Variants in GAK observed in about 807,000 individuals in gnomAD.
The protein encoded by GAK is cyclin-G-associated kinase.
In GAK, 79 loss-of-function variants were observed where a neutral mutation model predicts 143.9. That is an observed-to-expected ratio of 0.55 (90% confidence interval 0.46 to 0.66). The LOEUF (loss-of-function observed/expected upper bound fraction) is 0.66. GAK is among the 30% of genes least tolerant of loss of function. The pLI, the probability that GAK is intolerant of heterozygous loss-of-function variation, is 0.00. For missense variants in GAK, 1,693 were observed against 1,779.7 expected (o/e 0.95, Z 0.88); for synonymous variants, 881 against 765.5 (o/e 1.15, Z -2.49).
At chr4:924,904 C>G (rs928644670) in intron 1 of GAK, among the ~76,000 whole-genome samples, 2 of 151,704 alleles carry the variant, frequency 1.3e-5, no homozygotes, top group African/African-American at 4.8e-5. Context: ...TGGAGTTCCC[C>G]CAGGGGCTGC....
At chr4:918,933 T>C (rs13121293) in intron 1 of GAK, among the ~76,000 whole-genome samples, 35 of 62,058 alleles carry the variant, frequency 5.6e-4, no homozygotes, top group East Asian at 6.7e-4. Flanking sequence ...AAGGCCTCAG[T>C]GCCCCATGAC....
At chr4:851,116 A>G (rs1355542099) in intron 25 of GAK, 32 bp from the exon 26 acceptor site, 1 of 1,599,076 alleles carries the variant, frequency 6.3e-7, no homozygotes, top group Admixed American at 1.7e-5. Flanking sequence ...TTTTTGTTTG[A>G]GACAGGGTCT....
intron 6 of GAK, among the ~76,000 whole-genome samples, chr4:897,205 C>T (rs1433090293): frequency 6.6e-6 from 1 of 152,232 alleles, no homozygotes; most frequent in East Asian, 1.9e-4. Context: ...GCTGCAGATT[C>T]ACAGGAGAGC....
chr4:867,513 C>G, intron 20 of GAK, 81 bp from the exon 21 acceptor site: 2 of 891,840 alleles, frequency 2.2e-6, no homozygotes, highest in South Asian at 1.8e-5. Context: ...CCTTCAGGGC[C>G]TCCTCGGCCC....
chr4:896,680 C>T (rs1003820028), intron 6 of GAK, 131 bp from the exon 7 acceptor site: 15 of 725,076 alleles, frequency 2.1e-5, no homozygotes, highest in Admixed American at 8.2e-5. Flanking sequence ...CACTATGCCC[C>T]GGGATGACCT....
rs773267588 is a variant in GAK at position 896,454 on chromosome 4, C to T, written c.741+6G>A. Reference sequence around the variant, plus strand: ...GGCACTGCCACTGAGAGGCGCCAGACCTCACCCAGATATCCTGCTTCTCGC... The same window carrying T: ...GGCACTGCCACTGAGAGGCGCCAGATCTCACCCAGATATCCTGCTTCTCGC... On this transcript the variant is annotated splice_donor_region_variant and intron_variant, in intron 7 of 27. Coordinates refer to ENST00000314167, the MANE Select transcript of GAK (RefSeq NM_005255.4). 1 of 1,613,060 alleles carries T rather than the reference C, an allele frequency of 6.2e-7. No individual in the cohort carries two copies. Among genetic ancestry groups the T allele is most frequent in the South Asian group, 1.1e-5 (1 of 91,046 alleles).
chr4:893,807 T>A (rs1718168618), intron 8 of GAK, 67 bp downstream of exon 8: 1 of 1,461,140 alleles, frequency 6.8e-7, no homozygotes. Context: ...GGGAGCGGGG[T>A]CTCCAGAGCC....
chr4:888,847 T>C lies in GAK; in HGVS notation c.1205A>G (p.Asn402Ser). The change falls in exon 11 of 28, where the codon AAT becomes AGT. Residue 402 changes from asparagine to serine, a missense_variant and splice_region_variant. Physicochemically the swap from Asn to Ser is conservative, Grantham distance 46 (BLOSUM62 1). Around this residue, in one of 2 missense-constraint regions of GAK, gnomAD observed 871 missense variants for 991.0 expected, o/e 0.88. Coordinates refer to ENST00000314167, the MANE Select transcript of GAK (RefSeq NM_005255.4). ...CAGGGCTCTGGAGCCTCACACTCAC[T>C]TAGCGACGGACTGGATGACCTTGGA... is the stretch of plus-strand genomic sequence containing the variant. Reference protein sequence around the residue: ...TSSKVIQSVANYAKGDLDISY... With the variant: ...TSSKVIQSVASYAKGDLDISY... 6.2e-7 allele frequency: 1 copy of C among 1,602,366 alleles called. No individual in the cohort carries two copies. The highest frequency in any genetic ancestry group is 8.5e-7 in the Non-Finnish European group (1 of 1,175,690).
At chr4:918,344 C>T (rs765948157) in intron 1 of GAK, among the ~76,000 whole-genome samples, 3 of 152,252 alleles carry the variant, frequency 2.0e-5, no homozygotes, top group Non-Finnish European at 4.4e-5. Context: ...CTGCTCTCAG[C>T]ACTGTAAGCC....
At chr4:860,515 C>T (rs1218187557) in intron 23 of GAK, among the ~76,000 whole-genome samples, 4 of 152,134 alleles carry the variant, frequency 2.6e-5, no homozygotes, top group Non-Finnish European at 4.4e-5. Context: ...AAGAAATACA[C>T]GTAACCAAAA....
intron 19 of GAK, chr4:869,791 A>G (rs188239285): frequency 0.012 from 1,761 of 148,282 alleles, 31 homozygotes; most frequent in Middle Eastern, 0.038. Flanking sequence ...CACAGCAGAG[A>G]TGCATGGTAC....
chr4:905,476 A>T (rs1356209537), intron 4 of GAK, among the ~76,000 whole-genome samples: 1 of 141,290 alleles, frequency 7.1e-6, no homozygotes, highest in Non-Finnish European at 1.5e-5. Context: ...GCCCCATGCC[A>T]TGCTACGGAC....
chr4:929,223 G>A lies in GAK; in HGVS notation c.145+2820C>T, dbSNP rs538673119. Among the ~76,000 whole-genome samples, 9 of 152,316 alleles carry A rather than the reference G, an allele frequency of 5.9e-5. No individual in the cohort carries two copies. In the South Asian group the frequency reaches 1.7e-3, roughly 28 times the overall value. On this transcript the variant is annotated intron_variant, in intron 1 of 27. Coordinates refer to ENST00000314167, the MANE Select transcript of GAK (RefSeq NM_005255.4). ...AGCTTGACCCCCAAGGCTCCTGAGC[G>A]GGCCCAGCCACTCAGCTAACACTGC...
chr4:863,404 C>T (rs906143750), intron 23 of GAK, among the ~76,000 whole-genome samples: 1 of 152,190 alleles, frequency 6.6e-6, no homozygotes, highest in Admixed American at 6.5e-5. Flanking sequence ...TAGAATATTC[C>T]TTAAACTTAG....
rs1717434492 is a variant in GAK, at chr4:890,569, G to A, written c.1044C>T (p.Pro348=). Residue 348 remains proline (P), a synonymous_variant, in exon 10 of 28, where the codon CCC becomes CCT. Coordinates refer to ENST00000314167, the MANE Select transcript of GAK (RefSeq NM_005255.4). The part of the protein sequence containing the change: ...YGSATLSRGP[P]PPVGPAGSGY... The stretch of plus-strand genomic sequence containing the variant: ...CACTGCCAGCGGGGCCCACGGGAGG[G>A]GGTGGCCCTCGGGACAGTGTGGCGC... The A allele has an allele frequency of 6.2e-7, 1 of 1,611,488 alleles. No individual in the cohort carries two copies.
chr4:894,059 G>A, intron 7 of GAK, 50 bp from the exon 8 acceptor site: 1 of 1,495,028 alleles, frequency 6.7e-7, no homozygotes, highest in Non-Finnish European at 9.0e-7. Flanking sequence ...GCGCAGGGGT[G>A]ACGCCTGGGC....
chr4:888,564 CCA>C lies in GAK; in HGVS notation c.1205+281_1205+282del, dbSNP rs1717008314. On this transcript the variant is annotated intron_variant, in intron 11 of 27. Coordinates refer to ENST00000314167, the MANE Select transcript of GAK (RefSeq NM_005255.4). ...GTCCCGGGAACAAGCCAGGAACGCC[CCA>C]GAGTGAGGGGCGACATTGCAGCAAG... 7.0e-6 allele frequency: 3 copies of C among 431,366 alleles called. No individual in the cohort carries two copies. In the South Asian group the frequency reaches 8.6e-5, roughly 12 times the overall value. 26.7% of individuals were successfully genotyped at this position (431,366 alleles called of 1,614,324 possible).
rs150781969 is a variant in GAK, at chr4:864,087, A to C, written c.3166+1035T>G. On this transcript the variant is annotated intron_variant, in intron 23 of 27. Coordinates refer to ENST00000314167, the MANE Select transcript of GAK (RefSeq NM_005255.4). ...GTAAATATAACTTTTAGCTGGGTGC[A>C]GTGGCTCACGCCTGTAATCCCAGCA... is the stretch of plus-strand genomic sequence containing the variant. 9.4e-3 allele frequency among the ~76,000 whole-genome samples: 1,387 copies of C among 147,094 alleles called. 11 individuals are homozygous for C. The highest frequency in any genetic ancestry group is 0.056 in the Middle Eastern group (13 of 232).
Position 876,546 on chromosome 4 carries a change from T to C in GAK, c.2038A>G (p.Thr680Ala), listed in dbSNP as rs781735947. Residue 680 changes from threonine to alanine, a missense_variant, in exon 18 of 28, where the codon ACT becomes GCT. Transcript: ENST00000314167. ...CCAACGTACTTGGCAAATTTCACAG[T>C]GGTGGCGTTCCGAGGCACAAACCCC... ...HTGFVPRNATTVKFAKYDLDA... is the reference protein window; with the variant it reads ...HTGFVPRNATAVKFAKYDLDA... 34 of 1,613,898 alleles carry C rather than the reference T, an allele frequency of 2.1e-5. No individual in the cohort carries two copies. In the African/African-American group the frequency reaches 2.3e-4, roughly 11 times the overall value.
Sources: allele counts gnomAD v4.1 joint callset (sites outside exome capture counted in the v4.1 genomes callset), GRCh38; gene constraint gnomAD v4.1.1; regional missense constraint gnomAD v4.1.1; transcripts MANE v1.5; gene names NCBI Gene and HGNC (gene_info 2026-07-23, HGNC 2026-07-21).